Variants in PIP5K1B observed in about 807,000 individuals in gnomAD.
PIP5K1B encodes phosphatidylinositol 4-phosphate 5-kinase type-1 beta.
Under a neutral mutation model 67.0 loss-of-function variants are expected in PIP5K1B, and 42 were observed. The ratio of observed to expected loss-of-function variants is 0.63; its 90% CI spans 0.49 to 0.81. PIP5K1B has a LOEUF of 0.81. Ranked by LOEUF, PIP5K1B falls within the 30% of genes least tolerant of loss-of-function variation. The pLI, the probability that PIP5K1B is intolerant of heterozygous loss-of-function variation, is 0.00. For synonymous variants in PIP5K1B, 214 were observed against 231.4 expected (o/e 0.92, Z 0.68); for missense variants, 459 against 646.3 (o/e 0.71, Z 3.14).
At chr9:68,850,126 A>G (rs532008234) in intron 4 of PIP5K1B, among the ~76,000 whole-genome samples, 1 of 152,260 alleles carries the variant, frequency 6.6e-6, no homozygotes, top group South Asian at 2.1e-4. Flanking sequence ...TTTTTCTACC[A>G]TTCTCAATGT....
intron 7 of PIP5K1B, among the ~76,000 whole-genome samples, chr9:68,890,206 GA>G (rs1372629016): frequency 6.6e-6 from 1 of 152,158 alleles, no homozygotes; most frequent in East Asian, 1.9e-4. Flanking sequence ...GTGATAGTGT[GA>G]AAAATCACCT....
At chr9:68,817,408 A>T (rs1222983225) in intron 2 of PIP5K1B, among the ~76,000 whole-genome samples, 1 of 152,250 alleles carries the variant, frequency 6.6e-6, no homozygotes, top group Non-Finnish European at 1.5e-5. Context: ...TAAAAGTACT[A>T]GAACATTAAA....
rs576680371 is a variant in PIP5K1B, at chr9:68,800,033, G to A, written c.-85-18428G>A. 6.0e-4 allele frequency among the ~76,000 whole-genome samples: 91 copies of A among 152,280 alleles called. 1 individual carries two copies. Among genetic ancestry groups the A allele is most frequent in the Admixed American group, 3.4e-3 (52 of 15,308 alleles). On this transcript the variant is annotated intron_variant, in intron 2 of 15. Coordinates refer to ENST00000265382, the MANE Select transcript of PIP5K1B (RefSeq NM_003558.4). Reference sequence around the variant, plus strand: ...TATAGGGAACCCCTACAACCCAATAGCAAAAGAAAAAATAAGGAGCCTGAT... The same window carrying A: ...TATAGGGAACCCCTACAACCCAATAACAAAAGAAAAAATAAGGAGCCTGAT...
rs1329671927 is a variant in PIP5K1B at position 68,977,927 on chromosome 9, G to A, written c.1503-13213G>A. ...CTCCCAAAGTGCTGGGATTACAGGC[G>A]TGAGCCACCGCGCCTGGCCTATTGG... On this transcript the variant is annotated intron_variant, in intron 14 of 15. Coordinates refer to ENST00000265382, the MANE Select transcript of PIP5K1B (RefSeq NM_003558.4). 5.9e-5 allele frequency among the ~76,000 whole-genome samples: 9 copies of A among 152,186 alleles called. No individual in the cohort carries two copies. The South Asian group carries it at 1.0e-3, about 18-fold the overall frequency.
rs751523599 is a variant in PIP5K1B at position 68,790,593 on chromosome 9, C to CGT, written c.-85-27867_-85-27866insTG. ...GTATGTACACCCAAACGCACATGAG[C>CGT]GCGCACACACACACACATACACACA... On this transcript the variant is annotated intron_variant, in intron 2 of 15. Transcript: ENST00000265382. Among the ~76,000 whole-genome samples, 106 of 138,880 alleles carry CGT rather than the reference C, an allele frequency of 7.6e-4. 1 individual carries two copies. The highest frequency in any genetic ancestry group is 1.3e-3 in the Non-Finnish European group (79 of 61,322). 91.1% of individuals were successfully genotyped at this position (138,880 alleles called of 152,430 possible).
chr9:68,982,173 A>C (rs1187937923), intron 14 of PIP5K1B, among the ~76,000 whole-genome samples: 2 of 152,198 alleles, frequency 1.3e-5, no homozygotes, highest in African/African-American at 2.4e-5. Flanking sequence ...GGATCTTCCC[A>C]AGCCACAAGT....
intron 13 of PIP5K1B, among the ~76,000 whole-genome samples, chr9:68,935,397 G>A (rs1171382571): frequency 6.6e-6 from 1 of 152,176 alleles, no homozygotes; most frequent in Non-Finnish European, 1.5e-5. Flanking sequence ...GAACCCAGGA[G>A]GCGGAGGCTG....
chr9:68,908,524 C>CA (rs1243048529), intron 8 of PIP5K1B, among the ~76,000 whole-genome samples: 1 of 151,806 alleles, frequency 6.6e-6, no homozygotes, highest in Non-Finnish European at 1.5e-5. Context: ...ACATTATTGC[C>CA]AAAACAAGGA....
chr9:68,718,797 T>C (rs1827746829), intron 1 of PIP5K1B, among the ~76,000 whole-genome samples: 1 of 152,204 alleles, frequency 6.6e-6, no homozygotes, highest in South Asian at 2.1e-4. Context: ...ATGGCCCTAC[T>C]TTGCTGTCTT....
intron 2 of PIP5K1B, chr9:68,780,094 G>A: frequency 6.4e-5 from 86 of 1,337,076 alleles, no homozygotes; most frequent in South Asian, 3.1e-4. Flanking sequence ...CAGCGGCGGC[G>A]GCCCTGGACT....
At chr9:68,832,087 A>T (rs1377807773) in intron 4 of PIP5K1B, among the ~76,000 whole-genome samples, 1 of 152,260 alleles carries the variant, frequency 6.6e-6, no homozygotes, top group Admixed American at 6.5e-5. Flanking sequence ...CCTCAAGAAT[A>T]ACTTTTTCTA....
intron 5 of PIP5K1B, among the ~76,000 whole-genome samples, chr9:68,867,809 C>G (rs1290758688): frequency 6.6e-6 from 1 of 152,178 alleles, no homozygotes; most frequent in Non-Finnish European, 1.5e-5. Context: ...TTGTAAGCAT[C>G]CAAAACATTC....
At chr9:68,851,866 C>G (rs1415409890) in intron 4 of PIP5K1B, among the ~76,000 whole-genome samples, 1 of 152,240 alleles carries the variant, frequency 6.6e-6, no homozygotes, top group Admixed American at 6.5e-5. Context: ...GCTGCAGAGC[C>G]GGCCCTCCTT....
At chr9:68,789,435 C>T (rs1831832156) in intron 2 of PIP5K1B, 2 of 478,298 alleles carry the variant, frequency 4.2e-6, no homozygotes, top group Admixed American at 4.6e-5. Flanking sequence ...GAAACTCTGA[C>T]AAATAGAGGG....
intron 14 of PIP5K1B, among the ~76,000 whole-genome samples, chr9:68,965,953 G>A: frequency 7.3e-6 from 1 of 137,122 alleles, no homozygotes; most frequent in African/African-American, 2.8e-5. Context: ...CAACCTGGGT[G>A]ACAGAGTGAG....
chr9:68,856,789 C>T (rs1822799907), intron 4 of PIP5K1B, among the ~76,000 whole-genome samples: 1 of 152,122 alleles, frequency 6.6e-6, no homozygotes. Context: ...CTGCTGGGGG[C>T]AACACGGGAA....
chr9:68,989,094 C>CAAA (rs71353097), intron 14 of PIP5K1B, among the ~76,000 whole-genome samples: 15,291 of 55,998 alleles, frequency 0.27, 4,184 homozygotes, highest in East Asian at 0.33. Flanking sequence ...GACTCCGTCT[C>CAAA]AAAAAAAAAA....
intron 4 of PIP5K1B, among the ~76,000 whole-genome samples, chr9:68,840,885 C>T (rs1821884929): frequency 6.6e-6 from 1 of 152,158 alleles, no homozygotes; most frequent in Admixed American, 6.5e-5. Flanking sequence ...AGGATGTGGA[C>T]ATCTTTGGGA....
chr9:68,886,520 TCA>T (rs759355835), intron 6 of PIP5K1B, among the ~76,000 whole-genome samples: 1 of 152,180 alleles, frequency 6.6e-6, no homozygotes, highest in Non-Finnish European at 1.5e-5. Context: ...TGTAAGATAG[TCA>T]CAGTTTCTGC....
Sources: gnomAD v4.1 joint callset for allele counts (sites outside exome capture counted in the v4.1 genomes callset) on GRCh38, gnomAD v4.1.1 for gene constraint, MANE v1.5 for transcripts, NCBI Gene and HGNC (gene_info 2026-07-23, HGNC 2026-07-21) for gene names.